The following DDHD1 variants were observed in gnomAD, a reference collection of about 807,000 sequenced individuals.
DDHD1 encodes the protein phospholipase DDHD1.
DDHD1 carries 49 observed loss-of-function variants against 96.4 expected under a neutral mutation model. That is an observed-to-expected ratio of 0.51 (90% CI 0.40 to 0.64). DDHD1 has a LOEUF of 0.64. Ranked by LOEUF, DDHD1 falls within the 30% of genes least tolerant of loss-of-function variation. The pLI is 0.00. For missense variants in DDHD1, 1,106 were observed against 1,161.2 expected (o/e 0.95, Z 0.69); for synonymous variants, 442 against 446.5 (o/e 0.99, Z 0.13).
chr14:53,063,533 A>G (rs1380473519), intron 6 of DDHD1, among the ~76,000 whole-genome samples: 2 of 152,020 alleles, frequency 1.3e-5, no homozygotes, highest in Non-Finnish European at 2.9e-5. Context: ...AGATTTTCAA[A>G]GACCCCCGCA....
chr14:53,139,494 T>C (rs1314504208), intron 1 of DDHD1, among the ~76,000 whole-genome samples: 2 of 152,120 alleles, frequency 1.3e-5, no homozygotes, highest in South Asian at 2.1e-4. Flanking sequence ...GGTGCACTGA[T>C]AGTAAGTACA....
chr14:53,072,548 T>A, intron 6 of DDHD1, 49 bp downstream of exon 6: 6 of 1,077,146 alleles, frequency 5.6e-6, no homozygotes, highest in Non-Finnish European at 8.0e-6. Context: ...AGGACATTTA[T>A]AAGCTATCAC....
chr14:53,047,405 T>C (rs1159407812), intron 12 of DDHD1, among the ~76,000 whole-genome samples: 2 of 152,156 alleles, frequency 1.3e-5, no homozygotes, highest in Admixed American at 6.5e-5. Flanking sequence ...ATATATCCAC[T>C]AGTTGTGTGA....
chr14:53,118,626 GAAAC>G (rs1555339807), intron 1 of DDHD1, among the ~76,000 whole-genome samples: 6 of 152,082 alleles, frequency 3.9e-5, no homozygotes, highest in Admixed American at 1.3e-4. Context: ...AGAGTAAAAA[GAAAC>G]AAACAAAGCC....
At chr14:53,139,048 T>C (rs1241505988) in intron 1 of DDHD1, among the ~76,000 whole-genome samples, 2 of 132,364 alleles carry the variant, frequency 1.5e-5, no homozygotes, top group African/African-American at 5.7e-5. Flanking sequence ...TAAAGAACCA[T>C]AGCAGCTGGG....
At chr14:53,136,487 G>A (rs1355433659) in intron 1 of DDHD1, among the ~76,000 whole-genome samples, 1 of 152,132 alleles carries the variant, frequency 6.6e-6, no homozygotes, top group East Asian at 1.9e-4. Context: ...TGGCACTGTA[G>A]AAAGACAGTG....
At chr14:53,152,113 G>GAAAGCAATTGTGTAGAT in intron 1 of DDHD1, 148 bp downstream of exon 1, 9 of 833,716 alleles carry the variant, frequency 1.1e-5, no homozygotes, top group Admixed American at 6.4e-5. Context: ...AGCTGCCGAC[G>GAAAGCAATTGTGTAGAT]CTCCCTGCTC....
chr14:53,134,795 TA>T (rs1265807819), intron 1 of DDHD1, among the ~76,000 whole-genome samples: 6 of 152,184 alleles, frequency 3.9e-5, no homozygotes, highest in Admixed American at 3.9e-4. Flanking sequence ...CTTAGTCCTT[TA>T]ATACCTGTTT....
chr14:53,089,891 A>C (rs1253644853), intron 4 of DDHD1, among the ~76,000 whole-genome samples: 4 of 152,236 alleles, frequency 2.6e-5, no homozygotes, highest in Non-Finnish European at 5.9e-5. Flanking sequence ...ATTAAACTAA[A>C]GAGCTTCTGC....
chr14:53,054,919 T>A (rs190414602), intron 10 of DDHD1, among the ~76,000 whole-genome samples: 2 of 152,308 alleles, frequency 1.3e-5, no homozygotes, highest in Non-Finnish European at 2.9e-5. Flanking sequence ...TTTGGCAAGA[T>A]TAAAGTCTTT....
intron 1 of DDHD1, 138 bp downstream of exon 1, chr14:53,152,123 C>CGGTGT: frequency 4.7e-6 from 4 of 842,122 alleles, no homozygotes; most frequent in South Asian, 4.8e-5. Flanking sequence ...GCTCCCTGCT[C>CGGTGT]AATCTCCATC....
rs562546454 is a variant in DDHD1, at chr14:53,111,134, T to C, written c.839-7278A>G. ...TATGCAAATGCTTGAGTGGATCTCA[T>C]GTGTGAGTAGGAATACATTCGCAAT... is the stretch of plus-strand genomic sequence containing the variant. On this transcript the variant is annotated intron_variant, in intron 1 of 12. Coordinates refer to ENST00000673822, the MANE Select transcript of DDHD1 (RefSeq NM_001160148.2). Among the ~76,000 whole-genome samples, 5 of 152,264 alleles carry C rather than the reference T, an allele frequency of 3.3e-5. No homozygotes were observed. The East Asian group carries it at 7.7e-4, about 24-fold the overall frequency.
intron 1 of DDHD1, among the ~76,000 whole-genome samples, chr14:53,133,138 A>G (rs1889995049): frequency 6.6e-6 from 1 of 152,158 alleles, no homozygotes; most frequent in Admixed American, 6.5e-5. Context: ...ATCACTTCTC[A>G]GTGTTCCATC....
At chr14:53,133,427 G>A (rs971326488) in intron 1 of DDHD1, among the ~76,000 whole-genome samples, 12 of 152,040 alleles carry the variant, frequency 7.9e-5, no homozygotes, top group East Asian at 1.9e-4. Context: ...ATAACAGACC[G>A]GCCTTTATTA....
rs530258908 is a variant in DDHD1, at chr14:53,058,511, C to T, written c.1958G>A (p.Arg653Gln). 6.8e-6 allele frequency: 11 copies of T among 1,612,934 alleles called. No individual in the cohort carries two copies. Among genetic ancestry groups the T allele is most frequent in the Admixed American group, 5.0e-5 (3 of 59,774 alleles). The change falls in exon 9 of 13, where the codon CGG becomes CAG. Residue 653 changes from arginine (R) to glutamine (Q), a missense_variant. By Grantham distance (43) the Arg-to-Gln change is conservative (BLOSUM62 1). Around this residue, in one of 2 missense-constraint regions of DDHD1, gnomAD observed 650 missense variants for 758.8 expected, o/e 0.86. Transcript: ENST00000673822. ...TGTAGGATGAAAAATATTTAGTAAC[C>T]GGTTACAAATCTCTCTAGGCAAAAT... ...DHILPREICN[R>Q]LLNIFHPTDP...
chr14:53,053,204 TAG>T (rs937768523), intron 11 of DDHD1: 2 of 152,228 alleles, frequency 1.3e-5, no homozygotes, highest in African/African-American at 4.8e-5. Context: ...CTTCAGCAGT[TAG>T]AGTTTTCTTG....
Position 53,058,506 on chromosome 14 carries a change from G to A in DDHD1, c.1963C>T (p.Leu655=). Residue 655 remains leucine, a synonymous_variant, in exon 9 of 13, where the codon CTA becomes TTA. Transcript: ENST00000673822. ...ILPREICNRL[L]NIFHPTDPVA... ...GGATCTGTAGGATGAAAAATATTTA[G>A]TAACCGGTTACAAATCTCTCTAGGC... 2 of 1,612,972 alleles carry A rather than the reference G, an allele frequency of 1.2e-6. No homozygotes were observed. Among genetic ancestry groups the A allele is most frequent in the African/African-American group, 2.7e-5 (2 of 74,964 alleles).
chr14:53,115,752 G>A (rs548404347), intron 1 of DDHD1, among the ~76,000 whole-genome samples: 36 of 152,214 alleles, frequency 2.4e-4, no homozygotes, highest in Non-Finnish European at 4.1e-4. Context: ...AGGAAAAACC[G>A]ATACCAGCCA....
chr14:53,094,151 TG>T (rs1886676131), intron 2 of DDHD1, among the ~76,000 whole-genome samples: 1 of 151,176 alleles, frequency 6.6e-6, no homozygotes, highest in Admixed American at 6.6e-5. Context: ...CACTCCCGCC[TG>T]GGCTACAGAG....
Sources: gnomAD v4.1 joint callset for allele counts (sites outside exome capture counted in the v4.1 genomes callset) on GRCh38, gnomAD v4.1.1 for gene constraint, gnomAD v4.1.1 regional missense constraint, MANE v1.5 for transcripts, NCBI Gene and HGNC (gene_info 2026-07-23, HGNC 2026-07-21) for gene names.